NLRP11: variants seen among roughly 807,000 people sequenced by gnomAD.
NLRP11 encodes the protein NACHT, LRR and PYD domains-containing protein 11.
A neutral mutation model predicts 79.3 loss-of-function variants in NLRP11; 53 were observed. The ratio of observed to expected loss-of-function variants is 0.67; its 90% CI spans 0.54 to 0.84. NLRP11 has a LOEUF of 0.84. Ranked by LOEUF, NLRP11 falls within the 40% of genes least tolerant of loss-of-function variation. The pLI, the probability that NLRP11 is intolerant of heterozygous loss-of-function variation, is 0.00. For synonymous variants in NLRP11, 518 were observed against 462.6 expected, an observed-to-expected ratio of 1.12 and a Z score of -1.54; for missense variants, 1,264 against 1,255.0, an observed-to-expected ratio of 1.01 and a Z score of -0.11.
intron 5 of NLRP11, among the ~76,000 whole-genome samples, chr19:55,799,977 A>C (rs1173522065): frequency 6.6e-6 from 1 of 152,142 alleles, no homozygotes; most frequent in Non-Finnish European, 1.5e-5. Flanking sequence ...CAAAACAAAA[A>C]TGAAAACAAA....
chr19:55,822,596 C>T (rs959239114), intron 1 of NLRP11, among the ~76,000 whole-genome samples: 1 of 152,092 alleles, frequency 6.6e-6, no homozygotes, highest in Non-Finnish European at 1.5e-5. Flanking sequence ...CATTGCCTCA[C>T]CTGGGAAGCG....
At chr19:55,820,843 A>ATGT (rs1981625059) in intron 1 of NLRP11, among the ~76,000 whole-genome samples, 1 of 152,192 alleles carries the variant, frequency 6.6e-6, no homozygotes, top group African/African-American at 2.4e-5. Context: ...ATATGTACAT[A>ATGT]CAGGTGTCGT....
chr19:55,792,073 A>AT (rs1990264907), intron 7 of NLRP11, among the ~76,000 whole-genome samples: 2 of 152,136 alleles, frequency 1.3e-5, no homozygotes, highest in Non-Finnish European at 2.9e-5. Flanking sequence ...ACCCTTCTCC[A>AT]TGTGATAAGG....
At position 55,809,144 on chromosome 19, in the gene NLRP11, T is replaced by C; in HGVS notation, c.1466A>G (p.Asn489Ser). ...ACCAAAAATGAAAGTAAACACTTGA[T>C]TAAAGTCAGAGTATTGTTCTCTCTT... Residue 489 changes from asparagine to serine, a missense_variant, in exon 3 of 10, where the codon AAT (asparagine) becomes AGT (serine). By Grantham distance (46) the Asn-to-Ser change is conservative (BLOSUM62 1). Transcript: ENST00000589093. The surrounding 1 kb of genome is among the most constrained non-coding windows in gnomAD (Gnocchi z 4.5). 1 of 1,614,002 alleles carries C rather than the reference T, an allele frequency of 6.2e-7. No individual in the cohort carries two copies. The highest frequency in any genetic ancestry group is 8.5e-7 in the Non-Finnish European group (1 of 1,179,980).
intron 7 of NLRP11, among the ~76,000 whole-genome samples, chr19:55,791,921 C>G (rs544738214): frequency 1.3e-5 from 2 of 152,260 alleles, no homozygotes; most frequent in South Asian, 2.1e-4. Flanking sequence ...CAGAAAGATG[C>G]CCCCATGATC....
intron 6 of NLRP11, 36 bp from the exon 7 acceptor site, chr19:55,792,507 A>C: frequency 6.3e-7 from 1 of 1,589,840 alleles, no homozygotes; most frequent in Non-Finnish European, 8.6e-7. Flanking sequence ...TGACAGTGTG[A>C]GCACCAGAGA....
chr19:55,832,965 T>A (rs199475857), upstream of NLRP11: 2 of 152,194 alleles, frequency 1.3e-5, no homozygotes, highest in Non-Finnish European at 2.9e-5. Flanking sequence ...TGAATATCCA[T>A]GCAAACTCTC....
chr19:55,788,741 C>CA (rs58239530), intron 9 of NLRP11, 66 bp downstream of exon 9: 6,887 of 379,170 alleles, frequency 0.018, 150 homozygotes, highest in African/African-American at 0.048. Flanking sequence ...CTCTGTCTCT[C>CA]AAAAAAAAAA....
At chr19:55,831,233 G>C (rs563768731) in intron 1 of NLRP11, among the ~76,000 whole-genome samples, 28 of 150,494 alleles carry the variant, frequency 1.9e-4, no homozygotes, top group African/African-American at 6.1e-4. Context: ...CCTTCCTTTC[G>C]GAGCCTAGGC....
chr19:55,828,418 A>G (rs972975609), intron 1 of NLRP11, among the ~76,000 whole-genome samples: 1 of 148,862 alleles, frequency 6.7e-6, no homozygotes, highest in African/African-American at 2.5e-5. Flanking sequence ...AAGTATAATA[A>G]TAAAAAAAAG....
At chr19:55,803,107 G>C (rs554503419) in intron 4 of NLRP11, among the ~76,000 whole-genome samples, 1 of 152,262 alleles carries the variant, frequency 6.6e-6, no homozygotes, top group African/African-American at 2.4e-5. Context: ...CCAGCACTTT[G>C]GGAGACTCAG....
intron 1 of NLRP11, among the ~76,000 whole-genome samples, chr19:55,823,063 T>C (rs1981946453): frequency 6.7e-6 from 1 of 148,442 alleles, no homozygotes; most frequent in Non-Finnish European, 1.5e-5. Context: ...CAGCTGGAGA[T>C]CTGAGAACCA....
At chr19:55,816,082 T>C (rs534983835) in intron 2 of NLRP11, among the ~76,000 whole-genome samples, 1 of 152,298 alleles carries the variant, frequency 6.6e-6, no homozygotes, top group African/African-American at 2.4e-5. Context: ...AAGTAAATAT[T>C]GTATAAAAGT....
At position 55,785,669 on chromosome 19, in the gene NLRP11, C is replaced by T. The variant is rs1197900542; in HGVS notation, c.3058G>A (p.Ala1020Thr). The T allele has an allele frequency of 2.5e-6, 4 of 1,613,904 alleles. No individual in the cohort carries two copies. The highest frequency in any genetic ancestry group is 3.3e-5 in the Admixed American group (2 of 60,002). The change falls in exon 10 of 10, where the codon GCA becomes ACA. Residue 1020 changes from alanine to threonine, a missense_variant. Transcript: ENST00000589093. ...GCTGTATTTGACGTTCTCATGGCTG[C>T]AGACATTCTGGGAAATTTGAAAAAC...
upstream of NLRP11, among the ~76,000 whole-genome samples, chr19:55,834,772 C>A (rs1600212229): frequency 6.6e-6 from 1 of 152,144 alleles, no homozygotes; most frequent in African/African-American, 2.4e-5. Flanking sequence ...TACCGTGAGG[C>A]AAGACCTAGA....
At chr19:55,798,207 C>T (rs763462039) in intron 5 of NLRP11, 2 of 367,948 alleles carry the variant, frequency 5.4e-6, no homozygotes, top group Non-Finnish European at 7.5e-6. Flanking sequence ...CCATGTTGGT[C>T]AGGCTGTCTG....
chr19:55,789,014 C>G, intron 8 of NLRP11, 37 bp from the exon 9 acceptor site: 3 of 1,609,748 alleles, frequency 1.9e-6, no homozygotes, highest in Non-Finnish European at 2.5e-6. Context: ...GGGGCCAAAT[C>G]CTTGAGGAAA....
At chr19:55,807,801 C>A (rs7254875) in intron 4 of NLRP11, 52 bp downstream of exon 4, 4 of 1,263,930 alleles carry the variant, frequency 3.2e-6, no homozygotes, top group Non-Finnish European at 4.4e-6. Context: ...AAGAAAAAGA[C>A]CACCGTTATT....
chr19:55,817,626 T>C (rs1289313611), intron 2 of NLRP11, among the ~76,000 whole-genome samples: 1 of 152,008 alleles, frequency 6.6e-6, no homozygotes, highest in African/African-American at 2.4e-5. Flanking sequence ...GCTATGAGGA[T>C]GCAAAGGCAT....
Sources: allele counts gnomAD v4.1 joint callset (sites outside exome capture counted in the v4.1 genomes callset), GRCh38; gene constraint gnomAD v4.1.1; non-coding constraint Gnocchi (gnomAD v3.1); transcripts MANE v1.5; gene names NCBI Gene and HGNC (gene_info 2026-07-23, HGNC 2026-07-21).